ZSCAN21: variants seen among roughly 807,000 people sequenced by gnomAD.
The protein encoded by ZSCAN21 is zinc finger and SCAN domain-containing protein 21.
In ZSCAN21, 26 loss-of-function variants were observed where a neutral mutation model predicts 35.6. The observed-to-expected ratio is 0.73, with a 90% confidence interval of 0.54 to 1.01. The LOEUF is 1.01. Ranked by LOEUF, ZSCAN21 falls within the 50% of genes least tolerant of loss-of-function variation. ZSCAN21 has a pLI of 0.00. For synonymous variants in ZSCAN21, 219 were observed against 219.3 expected (o/e 1.00, Z 0.01); for missense variants, 593 against 587.1 (o/e 1.01, Z -0.10).
chr7:100,062,288 T>C lies in ZSCAN21; in HGVS notation c.593-1500T>C, dbSNP rs564798647. 2.4e-3 allele frequency among the ~76,000 whole-genome samples: 361 copies of C among 150,340 alleles called. 4 individuals are homozygous for C. Among genetic ancestry groups the C allele is most frequent in the African/African-American group, 8.5e-3 (346 of 40,914 alleles). ...GCGTGAGGCTCAACTGTTCTTTTTT[T>C]TTTTTTTTTTTTTTTTAAAGGGCCG... On this transcript the variant is annotated intron_variant, in intron 3 of 3. Coordinates refer to ENST00000292450, the MANE Select transcript of ZSCAN21 (RefSeq NM_145914.3).
chr7:100,061,730 G>A (rs1421308494), intron 3 of ZSCAN21, among the ~76,000 whole-genome samples: 1 of 152,220 alleles, frequency 6.6e-6, no homozygotes, highest in South Asian at 2.1e-4. Context: ...GCAAAGGAAG[G>A]AGATAGACAG....
intron 1 of ZSCAN21, among the ~76,000 whole-genome samples, chr7:100,050,837 G>C (rs905351071): frequency 6.6e-6 from 1 of 152,126 alleles, no homozygotes; most frequent in Non-Finnish European, 1.5e-5. Context: ...TATGGAGAAA[G>C]TGAGTATTGG....
intron 3 of ZSCAN21, among the ~76,000 whole-genome samples, chr7:100,060,721 G>A (rs2116128801): frequency 6.6e-6 from 1 of 151,268 alleles, no homozygotes; most frequent in African/African-American, 2.4e-5. Context: ...GGTGGCACGT[G>A]TTGTCCCTGG....
At chr7:100,050,675 G>A (rs973298565) in intron 1 of ZSCAN21, among the ~76,000 whole-genome samples, 1 of 152,034 alleles carries the variant, frequency 6.6e-6, no homozygotes, top group African/African-American at 2.4e-5. Flanking sequence ...TCCAGCCTGG[G>A]CGACAGAGCA....
intron 1 of ZSCAN21, among the ~76,000 whole-genome samples, chr7:100,056,202 A>G (rs1404261193): frequency 2.0e-5 from 3 of 151,914 alleles, no homozygotes; most frequent in Non-Finnish European, 4.4e-5. Context: ...GCACCTCCCA[A>G]AGTGCTGGGA....
At chr7:100,054,996 C>A (rs1005417446) in intron 1 of ZSCAN21, among the ~76,000 whole-genome samples, 1 of 149,316 alleles carries the variant, frequency 6.7e-6, no homozygotes, top group African/African-American at 2.5e-5. Context: ...TGATCTGTCA[C>A]CCAGGCTGGA....
intron 3 of ZSCAN21, among the ~76,000 whole-genome samples, chr7:100,061,073 A>G (rs187618819): frequency 3.1e-4 from 47 of 152,200 alleles, no homozygotes; most frequent in African/African-American, 1.1e-3. Flanking sequence ...CTCAAAAGTA[A>G]CCAAGACATA....
chr7:100,063,855 C>T lies in ZSCAN21; in HGVS notation c.660C>T (p.Leu220=). The change falls in exon 4 of 4, where the codon CTC becomes CTT. Residue 220 remains leucine, a synonymous_variant. Coordinates refer to ENST00000292450, the MANE Select transcript of ZSCAN21 (RefSeq NM_145914.3). ...DEQKGSEAEG[L]KGDIISVIIA... is the part of the protein sequence containing the mutation. Reference sequence around the variant, plus strand: ...AGAAAGGTTCTGAAGCAGAGGGGCTCAAAGGGGATATAATTTCTGTGATTA... The same window carrying T: ...AGAAAGGTTCTGAAGCAGAGGGGCTTAAAGGGGATATAATTTCTGTGATTA... 1 of 1,614,056 alleles carries T rather than the reference C, an allele frequency of 6.2e-7. No homozygotes were observed. The highest frequency in any genetic ancestry group is 8.5e-7 in the Non-Finnish European group (1 of 1,180,030).
Position 100,064,404 on chromosome 7 carries a change from C to T in ZSCAN21, c.1209C>T (p.Leu403=), listed in dbSNP as rs1190603184. 1.2e-6 allele frequency: 2 copies of T among 1,610,220 alleles called. No homozygotes were observed. Among genetic ancestry groups the T allele is most frequent in the Admixed American group, 3.4e-5 (2 of 59,642 alleles). The stretch of plus-strand genomic sequence containing the variant: ...AGAGCTTCAGTCAGCATGCGGGCCT[C>T]AGCTCCCACCAGAGACTCCACACCG... The part of the protein sequence containing the change: ...CGKSFSQHAG[L]SSHQRLHTGE... The change falls in exon 4 of 4, where the codon CTC becomes CTT. Residue 403 remains leucine, a synonymous_variant. Transcript: ENST00000292450.
At chr7:100,054,249 T>C (rs1039463753) in intron 1 of ZSCAN21, among the ~76,000 whole-genome samples, 3 of 151,654 alleles carry the variant, frequency 2.0e-5, no homozygotes, top group Non-Finnish European at 2.9e-5. Flanking sequence ...TTTTGTTTTT[T>C]GTTTTTTGTT....
rs1214942757 is a variant in ZSCAN21, at chr7:100,057,575, A to G, written c.400-123A>G. 4 of 1,322,604 alleles carry G rather than the reference A, an allele frequency of 3.0e-6. No homozygotes were observed. In the African/African-American group the frequency reaches 5.9e-5, roughly 20 times the overall value. 81.9% of individuals were successfully genotyped at this position (1,322,604 alleles called of 1,614,324 possible). A position where few individuals can be genotyped will look rare whatever the true frequency, so the allele number is the denominator to read the frequency against. On this transcript the variant is annotated intron_variant, in intron 2 of 3. Coordinates refer to ENST00000292450, the MANE Select transcript of ZSCAN21 (RefSeq NM_145914.3). ...CCTAAACTAACTTTTAGCCTTGGGA[A>G]TGGAATGGGATGGGTGTTTTCCTTT...
intron 1 of ZSCAN21, chr7:100,051,450 C>A (rs1236835513): frequency 6.6e-6 from 1 of 151,268 alleles, no homozygotes; most frequent in African/African-American, 2.4e-5. Context: ...CCCGCCACAA[C>A]GCCTGGCTAA....
chr7:100,056,332 C>G (rs1792074150), intron 1 of ZSCAN21, among the ~76,000 whole-genome samples: 1 of 152,184 alleles, frequency 6.6e-6, no homozygotes, highest in South Asian at 2.1e-4. Flanking sequence ...ATCTCAGAAA[C>G]TATAATATCT....
intron 1 of ZSCAN21, among the ~76,000 whole-genome samples, chr7:100,052,944 C>T (rs1032075783): frequency 6.6e-6 from 1 of 151,922 alleles, no homozygotes; most frequent in African/African-American, 2.4e-5. Context: ...GCCTGGCCAA[C>T]ATGGTGAAAC....
intron 1 of ZSCAN21, chr7:100,051,512 T>G (rs1791879626): frequency 1.3e-5 from 2 of 151,814 alleles, no homozygotes; most frequent in South Asian, 4.1e-4. Flanking sequence ...GCCAGAATGG[T>G]CTCGATCTCC....
chr7:100,056,027 G>A (rs986156574), intron 1 of ZSCAN21, among the ~76,000 whole-genome samples: 1 of 150,416 alleles, frequency 6.6e-6, no homozygotes, highest in Admixed American at 6.7e-5. Flanking sequence ...TGCAAGCTCC[G>A]TCTCCCGGGT....
Position 100,064,849 on chromosome 7 carries a change from C to T in ZSCAN21, c.*232C>T. 1.2e-6 allele frequency: 2 copies of T among 1,614,100 alleles called. No individual in the cohort carries two copies. The highest frequency in any genetic ancestry group is 1.7e-6 in the Non-Finnish European group (2 of 1,180,040). On this transcript the variant is annotated 3_prime_UTR_variant, in exon 4 of 4. Transcript: ENST00000292450. The stretch of plus-strand genomic sequence containing the variant: ...ACTGGAGCAGAGTCCCTTCGCCACA[C>T]TTAGGGTCCCAGTAAGCCATGCCAG...
chr7:100,057,993 A>C, intron 3 of ZSCAN21, 103 bp downstream of exon 3: 2 of 1,130,098 alleles, frequency 1.8e-6, no homozygotes, highest in Non-Finnish European at 2.4e-6. Flanking sequence ...TCATAGATTG[A>C]CTTGATTAGT....
chr7:100,055,795 AC>A (rs1351644115), intron 1 of ZSCAN21, among the ~76,000 whole-genome samples: 1 of 151,156 alleles, frequency 6.6e-6, no homozygotes, highest in African/African-American at 2.4e-5. Context: ...GCCTGCAACC[AC>A]GCCCGGCTAA....
Sources: allele counts gnomAD v4.1 joint callset (sites outside exome capture counted in the v4.1 genomes callset), GRCh38; gene constraint gnomAD v4.1.1; transcripts MANE v1.5; gene names NCBI Gene and HGNC (gene_info 2026-07-23, HGNC 2026-07-21).